MTCL1: variants seen among roughly 807,000 people sequenced by gnomAD.
MTCL1 encodes the protein microtubule cross-linking factor 1.
Under a neutral mutation model 141.4 loss-of-function variants are expected in MTCL1, and 79 were observed. That is an observed-to-expected ratio of 0.56 (90% confidence interval 0.47 to 0.67). The LOEUF is 0.67. MTCL1 is among the 30% of genes least tolerant of loss of function. The pLI is 0.00. For synonymous variants in MTCL1, 914 were observed against 875.8 expected, an observed-to-expected ratio of 1.04 and a Z score of -0.77; for missense variants, 2,177 against 2,113.9, an observed-to-expected ratio of 1.03 and a Z score of -0.59.
rs146238683 is a variant in MTCL1 at position 8,804,359 on chromosome 18, G to A, written c.2437-2534G>A. ...TAACCTTGAACTCCTGGGTTCAAGC[G>A]ATCCTCCCATCTCAGCCTCCTGAGT... On this transcript the variant is annotated intron_variant, in intron 10 of 16. Coordinates refer to ENST00000359865, the Ensembl canonical transcript of MTCL1. 3.9e-3 allele frequency among the ~76,000 whole-genome samples: 584 copies of A among 151,472 alleles called. 6 individuals carry two copies. Among genetic ancestry groups the A allele is most frequent in the African/African-American group, 0.013 (552 of 41,272 alleles).
intron 1 of MTCL1, among the ~76,000 whole-genome samples, chr18:8,709,850 T>A (rs573211728): frequency 6.6e-6 from 1 of 152,206 alleles, no homozygotes; most frequent in South Asian, 2.1e-4. Flanking sequence ...TTTTTATTTA[T>A]TTTTTTTGAG....
chr18:8,794,589 C>G (rs2075849995), intron 8 of MTCL1, among the ~76,000 whole-genome samples: 1 of 152,122 alleles, frequency 6.6e-6, no homozygotes, highest in South Asian at 2.1e-4. Context: ...TTCACATTGC[C>G]CCTGAGGCCA....
intron 7 of MTCL1, chr18:8,789,456 G>T: frequency 1.0e-6 from 1 of 985,464 alleles, no homozygotes; most frequent in Non-Finnish European, 1.2e-6. Context: ...GTTTGAGATT[G>T]TGAAGTTATC....
intron 4 of MTCL1, among the ~76,000 whole-genome samples, chr18:8,761,750 A>C (rs747227495): frequency 6.6e-6 from 1 of 152,224 alleles, no homozygotes; most frequent in East Asian, 1.9e-4. Flanking sequence ...TTGTGCAGGG[A>C]AACTCCCCTT....
In MTCL1 at chr18:8,777,076, T is replaced by C. The variant is rs542252537; in HGVS notation, c.358-757T>C. Among the ~76,000 whole-genome samples, 160 of 152,072 alleles carry C rather than the reference T, an allele frequency of 1.1e-3. 1 individual carries two copies. The highest frequency in any genetic ancestry group is 3.6e-3 in the African/African-American group (149 of 41,482). On this transcript the variant is annotated intron_variant, in intron 4 of 16. Coordinates refer to ENST00000359865, the Ensembl canonical transcript of MTCL1. ...GGTGAAACCCCGTCTCTACTAAAAATACAAAAAAAATTAGCCAGGCGTGGT... is the reference window on the plus strand; with the variant it reads ...GGTGAAACCCCGTCTCTACTAAAAACACAAAAAAAATTAGCCAGGCGTGGT...
chr18:8,733,175 G>C (rs1013431310), intron 4 of MTCL1, among the ~76,000 whole-genome samples: 6 of 152,196 alleles, frequency 3.9e-5, no homozygotes, highest in African/African-American at 1.4e-4. Flanking sequence ...GGCAGCCCTC[G>C]GGACTGTCAG....
chr18:8,720,739 G>A (rs1252881383), intron 4 of MTCL1, among the ~76,000 whole-genome samples: 1 of 152,228 alleles, frequency 6.6e-6, no homozygotes, highest in East Asian at 1.9e-4. Context: ...TCAATACTGT[G>A]TGATGCTTGC....
rs1242367318 is a variant in MTCL1 at position 8,824,857 on chromosome 18, G to A, written c.3347G>A (p.Trp1116Ter). The change falls in exon 15 of 17, where the codon TGG becomes TAG. Residue 1116 changes from tryptophan (W) to a stop codon, truncating the protein, a stop_gained. Transcript: ENST00000359865. LOFTEE classifies it high-confidence loss of function. ...TACATCGAGGAGTTCAACAAGAGCT[G>A]GGACTACACACCCAACAGGGGCCAC... 6.2e-7 allele frequency: 1 copy of A among 1,614,000 alleles called. No homozygotes were observed. Among genetic ancestry groups the A allele is most frequent in the Admixed American group, 1.7e-5 (1 of 60,008 alleles).
intron 1 of MTCL1, among the ~76,000 whole-genome samples, chr18:8,710,208 G>A (rs1454542641): frequency 6.6e-6 from 1 of 152,222 alleles, no homozygotes; most frequent in Non-Finnish European, 1.5e-5. Flanking sequence ...CTGTAACAGA[G>A]CAAATTTGGT....
intron 8 of MTCL1, among the ~76,000 whole-genome samples, chr18:8,794,788 T>G: frequency 6.6e-6 from 1 of 152,236 alleles, no homozygotes; most frequent in Non-Finnish European, 1.5e-5. Context: ...TGTAAATGAC[T>G]AAGAGACCAG....
intron 12 of MTCL1, among the ~76,000 whole-genome samples, chr18:8,816,268 A>G (rs910054067): frequency 3.9e-5 from 6 of 152,362 alleles, no homozygotes; most frequent in African/African-American, 1.4e-4. Flanking sequence ...CTACTTGGTA[A>G]GCCATATAAT....
At chr18:8,779,000 G>C (rs189115929) in intron 5 of MTCL1, among the ~76,000 whole-genome samples, 2 of 152,176 alleles carry the variant, frequency 1.3e-5, no homozygotes, top group African/African-American at 2.4e-5. Flanking sequence ...CCACCCAGCC[G>C]GTGGGATTAT....
At chr18:8,708,278 GT>G (rs2096068546) in intron 1 of MTCL1, among the ~76,000 whole-genome samples, 1 of 152,178 alleles carries the variant, frequency 6.6e-6, no homozygotes, top group Non-Finnish European at 1.5e-5. Flanking sequence ...CTTTAAAGAA[GT>G]TTCTCATTGC....
At chr18:8,785,101 T>C (rs76410171) in intron 6 of MTCL1, among the ~76,000 whole-genome samples, 1,720 of 151,458 alleles carry the variant, frequency 0.011, 23 homozygotes, top group African/African-American at 0.04. Flanking sequence ...GCGCCGCGGC[T>C]CATGGTTTAG....
At chr18:8,791,163 A>G (rs1214910448) in intron 7 of MTCL1, among the ~76,000 whole-genome samples, 1 of 152,188 alleles carries the variant, frequency 6.6e-6, no homozygotes, top group Non-Finnish European at 1.5e-5. Context: ...TGGGCCCAAC[A>G]TTGCAGGGAA....
intron 4 of MTCL1, among the ~76,000 whole-genome samples, chr18:8,740,886 C>G (rs1162112886): frequency 2.0e-5 from 3 of 152,174 alleles, no homozygotes; most frequent in Non-Finnish European, 4.4e-5. Context: ...ACAGCCATAG[C>G]CCAAGGCAGC....
At chr18:8,733,525 C>T (rs2096261830) in intron 4 of MTCL1, among the ~76,000 whole-genome samples, 1 of 152,130 alleles carries the variant, frequency 6.6e-6, no homozygotes, top group African/African-American at 2.4e-5. Context: ...CCTGCCTTGG[C>T]CTTCCCGGTA....
At chr18:8,760,460 T>C (rs1467999102) in intron 4 of MTCL1, among the ~76,000 whole-genome samples, 1 of 152,218 alleles carries the variant, frequency 6.6e-6, no homozygotes, top group East Asian at 1.9e-4. Context: ...TCTAGGGCAG[T>C]GCCTTGAGGG....
intron 7 of MTCL1, 22 bp downstream of exon 6, chr18:8,786,113 CCCCCCCCCG>C: frequency 7.2e-7 from 1 of 1,383,502 alleles, no homozygotes. Context: ...CAAGCAATCC[CCCCCCCCCG>C]CCCTCCCCCT....
Sources: gnomAD v4.1 joint callset for allele counts (sites outside exome capture counted in the v4.1 genomes callset) on GRCh38, gnomAD v4.1.1 for gene constraint, MANE v1.5 for transcripts, NCBI Gene and HGNC (gene_info 2026-07-23, HGNC 2026-07-21) for gene names.